Variants in CAST observed in about 807,000 individuals in gnomAD.
The protein encoded by CAST is MIR583 host.
Under a neutral mutation model 119.6 loss-of-function variants are expected in CAST, and 76 were observed. The ratio of observed to expected loss-of-function variants is 0.64; its 90% CI spans 0.53 to 0.77. The LOEUF (loss-of-function observed/expected upper bound fraction) is 0.77. CAST is among the 30% of genes least tolerant of loss of function. The probability of loss-of-function intolerance (pLI) is 0.00; values close to 1 mark genes in which losing one functional copy is unlikely to be tolerated. For missense variants in CAST, 953 were observed against 946.5 expected, an observed-to-expected ratio of 1.01 and a Z score of -0.09; for synonymous variants, 319 against 331.6, an observed-to-expected ratio of 0.96 and a Z score of 0.41.
At chr5:96,494,257 G>T in the CAST span, among the ~76,000 whole-genome samples, 10 of 152,082 alleles carry the variant, frequency 6.6e-5, no homozygotes, top group African/African-American at 2.2e-4. Context: ...ACTTGTGGTG[G>T]GTAGCTTTCA....
the CAST span, among the ~76,000 whole-genome samples, chr5:96,401,644 TG>T: frequency 5.3e-5 from 8 of 152,220 alleles, no homozygotes; most frequent in Non-Finnish European, 2.9e-5. Context: ...CTCTCCCACA[TG>T]GTCCCGAGCT....
At chr5:96,047,638 A>G in the CAST span, among the ~76,000 whole-genome samples, 2 of 152,202 alleles carry the variant, frequency 1.3e-5, no homozygotes, top group African/African-American at 4.8e-5. Flanking sequence ...TCATTCATCT[A>G]TTAACTGTTT....
chr5:96,430,664 C>A, the CAST span, among the ~76,000 whole-genome samples: 15 of 152,212 alleles, frequency 9.9e-5, no homozygotes, highest in Non-Finnish European at 2.1e-4. Flanking sequence ...TAAGCAGAAC[C>A]AGGAACGTGC....
chr5:95,970,744 T>G, the CAST span, among the ~76,000 whole-genome samples: 1 of 152,244 alleles, frequency 6.6e-6, no homozygotes, highest in Non-Finnish European at 1.5e-5. Context: ...GCTGGGCTAT[T>G]AACTGAGAAT....
At chr5:96,529,788 G>A, upstream of CAST, 1 of 438,888 alleles carries the variant, frequency 2.3e-6, no homozygotes, top group East Asian at 7.9e-5. Flanking sequence ...CTTCCCCTTT[G>A]CTGGGCATTC....
chr5:96,344,869 C>T, the CAST span, among the ~76,000 whole-genome samples: 1 of 152,098 alleles, frequency 6.6e-6, no homozygotes, highest in Non-Finnish European at 1.5e-5. Context: ...ATTGCTTACA[C>T]AAATAGAGCT....
At chr5:96,507,536 G>T in the CAST span, among the ~76,000 whole-genome samples, 5 of 152,160 alleles carry the variant, frequency 3.3e-5, no homozygotes, top group Non-Finnish European at 7.3e-5. Context: ...TTCGCTGAAT[G>T]AAACTCCTTA....
the CAST span, among the ~76,000 whole-genome samples, chr5:96,226,611 C>T: frequency 1.3e-5 from 2 of 152,072 alleles, no homozygotes; most frequent in Non-Finnish European, 2.9e-5. Flanking sequence ...GAGCCAAGAT[C>T]ACACCACTGC....
chr5:96,107,600 G>C, the CAST span, among the ~76,000 whole-genome samples: 2 of 152,178 alleles, frequency 1.3e-5, no homozygotes, highest in Middle Eastern at 3.2e-3. Context: ...TCCGCTGTTA[G>C]TCTGATGGGC....
chr5:96,577,935 T>C (rs1746703648), intron 1 of CAST, among the ~76,000 whole-genome samples: 1 of 152,208 alleles, frequency 6.6e-6, no homozygotes, highest in African/African-American at 2.4e-5. Flanking sequence ...TTAATATATA[T>C]GTCATTAGAT....
chr5:96,679,820 T>G (rs1365238769), intron 2 of CAST, among the ~76,000 whole-genome samples: 1 of 152,168 alleles, frequency 6.6e-6, no homozygotes, highest in Non-Finnish European at 1.5e-5. Context: ...TTTTTTCTTT[T>G]AATAAAGTTA....
chr5:96,298,973 C>T, the CAST span, among the ~76,000 whole-genome samples: 1 of 151,906 alleles, frequency 6.6e-6, no homozygotes, highest in Non-Finnish European at 1.5e-5. Flanking sequence ...GGAGCAGTGG[C>T]TCACACCTGT....
intron 1 of CAST, among the ~76,000 whole-genome samples, chr5:96,560,583 C>G (rs1272124319): frequency 6.6e-6 from 1 of 152,170 alleles, no homozygotes; most frequent in Non-Finnish European, 1.5e-5. Context: ...TTTATGCAGC[C>G]AAAAGACACA....
At chr5:96,493,211 T>G in the CAST span, among the ~76,000 whole-genome samples, 8 of 152,372 alleles carry the variant, frequency 5.3e-5, no homozygotes, top group Admixed American at 5.2e-4. Context: ...TATCTAACTC[T>G]GATCTATTTT....
the CAST span, among the ~76,000 whole-genome samples, chr5:96,189,020 TCA>T: frequency 2.8e-4 from 43 of 152,350 alleles, no homozygotes; most frequent in African/African-American, 9.1e-4. Flanking sequence ...CTGAAATGTT[TCA>T]GATTTGTGCT....
chr5:96,686,036 T>C (rs531204602), intron 2 of CAST, among the ~76,000 whole-genome samples: 1 of 152,312 alleles, frequency 6.6e-6, no homozygotes, highest in East Asian at 1.9e-4. Context: ...GGGAATACAG[T>C]AGAGCACACT....
At chr5:96,197,894 G>A in the CAST span, among the ~76,000 whole-genome samples, 2 of 152,246 alleles carry the variant, frequency 1.3e-5, no homozygotes, top group South Asian at 2.1e-4. Context: ...AAGTAGCTGG[G>A]ACCACAGGTG....
At chr5:96,138,186 T>C in the CAST span, among the ~76,000 whole-genome samples, 1 of 151,960 alleles carries the variant, frequency 6.6e-6, no homozygotes, top group Non-Finnish European at 1.5e-5. Context: ...GAATTTAGGT[T>C]CTTTTTTTTC....
chr5:96,749,442 A>G (rs947905096), intron 19 of CAST, among the ~76,000 whole-genome samples: 2 of 152,236 alleles, frequency 1.3e-5, no homozygotes, highest in African/African-American at 4.8e-5. Flanking sequence ...ATATCCTATT[A>G]ATGACCATCT....
Sources: gnomAD v4.1 joint callset for allele counts (sites outside exome capture counted in the v4.1 genomes callset) on GRCh38, gnomAD v4.1.1 for gene constraint, MANE v1.5 for transcripts, NCBI Gene and HGNC (gene_info 2026-07-23, HGNC 2026-07-21) for gene names.